The following AHCYL1 variants were observed in gnomAD, a reference collection of about 807,000 sequenced individuals.
The protein encoded by AHCYL1 is adenosylhomocysteinase like 1.
A neutral mutation model predicts 79.3 loss-of-function variants in AHCYL1; 20 were observed. The ratio of observed to expected loss-of-function variants is 0.25; its 90% CI spans 0.18 to 0.37. The LOEUF (loss-of-function observed/expected upper bound fraction) is 0.37. Among genes scored for constraint, AHCYL1 ranks in the 10% least tolerant of loss-of-function variants. The probability of loss-of-function intolerance (pLI) is 1.00; values close to 1 mark genes in which losing one functional copy is unlikely to be tolerated. For missense variants in AHCYL1, 330 were observed against 673.6 expected, an observed-to-expected ratio of 0.49 and a Z score of 5.65; for synonymous variants, 223 against 242.2, an observed-to-expected ratio of 0.92 and a Z score of 0.74.
At chr1:110,005,125 C>T (rs1452417619) in intron 1 of AHCYL1, among the ~76,000 whole-genome samples, 1 of 152,052 alleles carries the variant, frequency 6.6e-6, no homozygotes, top group African/African-American at 2.4e-5. Context: ...CAGTAGTGTA[C>T]CAAAAGAGGG....
chr1:110,018,911 G>C (rs1023203039), intron 13 of AHCYL1, 140 bp from the exon 14 acceptor site: 1 of 839,432 alleles, frequency 1.2e-6, no homozygotes, highest in South Asian at 1.5e-5. Context: ...AAAAAGCCTA[G>C]AGTCCTGATC....
At chr1:110,018,108 T>A in intron 11 of AHCYL1, 92 bp downstream of exon 11, 3 of 1,365,130 alleles carry the variant, frequency 2.2e-6, no homozygotes, top group Non-Finnish European at 3.1e-6. Flanking sequence ...AGACCTCTGT[T>A]CAGTATAAAG....
At chr1:110,011,163 T>C (rs372362653) in intron 2 of AHCYL1, 51 bp from the exon 3 acceptor site, 1 of 1,606,846 alleles carries the variant, frequency 6.2e-7, no homozygotes, top group Non-Finnish European at 8.5e-7. Context: ...TCTGTAGAGT[T>C]GGGGACCACT....
At chr1:110,007,226 C>T in intron 1 of AHCYL1, among the ~76,000 whole-genome samples, 1 of 152,004 alleles carries the variant, frequency 6.6e-6, no homozygotes, top group Admixed American at 6.5e-5. Flanking sequence ...AAAAGGCGAA[C>T]AGGGGAAGGA....
chr1:110,001,660 TAAA>T (rs1486945311), intron 1 of AHCYL1, among the ~76,000 whole-genome samples: 1 of 151,942 alleles, frequency 6.6e-6, no homozygotes, highest in African/African-American at 2.4e-5. Context: ...AAAAGAAACA[TAAA>T]AAGGATAAAC....
Position 110,012,395 on chromosome 1 carries a change from C to T in AHCYL1, c.410C>T (p.Ala137Val). ...MSALISLRKRAQGEKPLAGAK... is the reference protein window; with the variant it reads ...MSALISLRKRVQGEKPLAGAK... ...GCTCTGATTTCACTCAGGAAACGTG[C>T]TCAGGGGGAGAAGCCCTTGGCTGGT... Residue 137 changes from alanine (A) to valine (V), a missense_variant, in exon 4 of 17, where the codon GCT becomes GTT. Transcript: ENST00000369799. The T allele has an allele frequency of 6.2e-7, 1 of 1,613,928 alleles. No homozygotes were observed. The highest frequency in any genetic ancestry group is 8.5e-7 in the Non-Finnish European group (1 of 1,179,980).
At position 110,004,059 on chromosome 1, in the gene AHCYL1, G is replaced by A. The variant is rs892045218; in HGVS notation, c.121-4975G>A. The stretch of plus-strand genomic sequence containing the variant: ...AAGTGACTCAGCAGTTTGGGGCCTG[G>A]TATTGCCTCACCTCTTCTCGCCGCG... On this transcript the variant is annotated intron_variant, in intron 1 of 16. Transcript: ENST00000369799. The A allele has an allele frequency of 6.1e-6, 6 of 985,334 alleles. No individual in the cohort carries two copies. In the Admixed American group the frequency reaches 2.5e-4, roughly 40 times the overall value. The allele number at this position is 985,334 out of a possible 1,614,324, so 61.0% of individuals were successfully genotyped here.
At chr1:109,997,826 A>G (rs942980201) in intron 1 of AHCYL1, among the ~76,000 whole-genome samples, 6 of 152,300 alleles carry the variant, frequency 3.9e-5, no homozygotes, top group African/African-American at 1.2e-4. Flanking sequence ...TAGTATAACC[A>G]CAGGTCAAGA....
At chr1:109,993,701 C>G (rs893490921) in intron 1 of AHCYL1, among the ~76,000 whole-genome samples, 8 of 152,176 alleles carry the variant, frequency 5.3e-5, no homozygotes, top group African/African-American at 1.9e-4. Context: ...ATATATGCCT[C>G]CAGCTTCTTA....
intron 1 of AHCYL1, among the ~76,000 whole-genome samples, chr1:110,006,387 A>G (rs1183809738): frequency 6.6e-6 from 1 of 152,210 alleles, no homozygotes; most frequent in African/African-American, 2.4e-5. Context: ...GTGAAAGCAC[A>G]GTAATTAAGA....
At chr1:110,000,978 C>T in intron 1 of AHCYL1, 1 of 984,260 alleles carries the variant, frequency 1.0e-6, no homozygotes, top group Non-Finnish European at 1.2e-6. Flanking sequence ...ATCTTGGTGT[C>T]CACCCTACTA....
At chr1:109,987,919 A>T (rs1176698975) in intron 1 of AHCYL1, among the ~76,000 whole-genome samples, 1 of 152,210 alleles carries the variant, frequency 6.6e-6, no homozygotes, top group East Asian at 1.9e-4. Flanking sequence ...AGATAGGGGC[A>T]TGTTGGGGAG....
chr1:110,011,162 T>A (rs1220453008), intron 2 of AHCYL1, 52 bp from the exon 3 acceptor site: 3 of 1,605,700 alleles, frequency 1.9e-6, no homozygotes, highest in Non-Finnish European at 2.6e-6. Flanking sequence ...CTCTGTAGAG[T>A]TGGGGACCAC....
rs763963738 is a variant in AHCYL1, at chr1:110,009,062, A to G, written c.149A>G (p.Glu50Gly). ...KQIQFADDMQ[E>G]FTKFPTKTGR... ...ATCCAGTTTGCTGATGACATGCAGG[A>G]GTTCACCAAATTCCCCACCAAAACT... The change falls in exon 2 of 17, where the codon GAG becomes GGG. Residue 50 changes from glutamate (E) to glycine (G), a missense_variant. Coordinates refer to ENST00000369799, the MANE Select transcript of AHCYL1 (RefSeq NM_006621.7). The G allele has an allele frequency of 4.0e-5, 65 of 1,613,744 alleles. No homozygotes were observed. The highest frequency in any genetic ancestry group is 5.3e-5 in the Non-Finnish European group (63 of 1,179,834).
At chr1:110,003,377 C>T (rs781431818) in intron 1 of AHCYL1, among the ~76,000 whole-genome samples, 15 of 151,960 alleles carry the variant, frequency 9.9e-5, no homozygotes, top group African/African-American at 2.2e-4. Context: ...TTATGGAAAA[C>T]GGAAAGATTT....
intron 3 of AHCYL1, among the ~76,000 whole-genome samples, chr1:110,012,026 A>G (rs1400800900): frequency 6.6e-6 from 1 of 152,228 alleles, no homozygotes; most frequent in Non-Finnish European, 1.5e-5. Flanking sequence ...GATTATATAT[A>G]GGAATCTATT....
At chr1:110,010,045 T>C (rs901613667) in intron 2 of AHCYL1, among the ~76,000 whole-genome samples, 3 of 152,238 alleles carry the variant, frequency 2.0e-5, no homozygotes, top group African/African-American at 7.2e-5. Flanking sequence ...AAAGCTGTTA[T>C]ATATGATCCT....
intron 5 of AHCYL1, among the ~76,000 whole-genome samples, chr1:110,013,427 A>G (rs558219120): frequency 2.0e-5 from 3 of 152,334 alleles, no homozygotes; most frequent in East Asian, 3.9e-4. Context: ...TTTATTATTC[A>G]GGCCAGGCCT....
intron 1 of AHCYL1, among the ~76,000 whole-genome samples, chr1:109,987,221 C>G (rs569036662): frequency 2.0e-4 from 30 of 152,294 alleles, no homozygotes; most frequent in African/African-American, 3.4e-4. Flanking sequence ...GAGGACTAGT[C>G]AAGGTCACAT....
Sources: allele counts gnomAD v4.1 joint callset (sites outside exome capture counted in the v4.1 genomes callset), GRCh38; gene constraint gnomAD v4.1.1; transcripts MANE v1.5; gene names NCBI Gene and HGNC (gene_info 2026-07-23, HGNC 2026-07-21).